FBXW11: variants seen among roughly 807,000 people sequenced by gnomAD.
The protein encoded by FBXW11 is F-box/WD repeat-containing protein 11.
A neutral mutation model predicts 77.6 loss-of-function variants in FBXW11; 19 were observed. The observed-to-expected ratio is 0.24, with a 90% CI of 0.17 to 0.36. The LOEUF (loss-of-function observed/expected upper bound fraction) is 0.36. Ranked by LOEUF, FBXW11 falls within the 10% of genes least tolerant of loss-of-function variation. The pLI is 1.00. For synonymous variants in FBXW11, 235 were observed against 249.4 expected (o/e 0.94, Z 0.54); for missense variants, 334 against 704.2 (o/e 0.47, Z 5.95).
At chr5:171,953,033 G>GA (rs1289710853) in intron 2 of FBXW11, among the ~76,000 whole-genome samples, 2 of 152,068 alleles carry the variant, frequency 1.3e-5, no homozygotes, top group African/African-American at 4.8e-5. Context: ...GCAGTGGTGT[G>GA]ATCATAGCTC....
intron 1 of FBXW11, among the ~76,000 whole-genome samples, chr5:171,971,642 A>T (rs1581051309): frequency 6.8e-6 from 1 of 146,560 alleles, no homozygotes; most frequent in East Asian, 2.1e-4. Context: ...AAAAAAAAAA[A>T]TTTATTACAT....
At chr5:171,994,309 C>T (rs1162093245) in intron 1 of FBXW11, among the ~76,000 whole-genome samples, 2 of 152,122 alleles carry the variant, frequency 1.3e-5, no homozygotes, top group African/African-American at 2.4e-5. Flanking sequence ...AACCACTCTA[C>T]CCTTTAGTTT....
intron 1 of FBXW11, among the ~76,000 whole-genome samples, chr5:172,001,432 G>A (rs957062696): frequency 6.6e-6 from 1 of 152,184 alleles, no homozygotes; most frequent in Admixed American, 6.5e-5. Flanking sequence ...GTCTGAAAAT[G>A]ATCACCAGGA....
intron 1 of FBXW11, among the ~76,000 whole-genome samples, chr5:171,992,071 C>T (rs142619343): frequency 0.023 from 3,449 of 147,932 alleles, 127 homozygotes; most frequent in African/African-American, 0.081. Context: ...GCTGAGATCG[C>T]ACCACTGCCT....
chr5:171,955,108 T>C (rs1054678928), intron 2 of FBXW11, among the ~76,000 whole-genome samples: 21 of 152,228 alleles, frequency 1.4e-4, no homozygotes, highest in African/African-American at 4.3e-4. Flanking sequence ...TAATGAGTGA[T>C]TTTTAAGTCT....
At chr5:172,003,151 T>C (rs1766518763) in intron 1 of FBXW11, 1 of 152,170 alleles carries the variant, frequency 6.6e-6, no homozygotes, top group Non-Finnish European at 1.5e-5. Flanking sequence ...CATCCATTAA[T>C]TGTGTAAAGG....
At chr5:172,000,359 A>G (rs1766337872) in intron 1 of FBXW11, among the ~76,000 whole-genome samples, 1 of 152,222 alleles carries the variant, frequency 6.6e-6, no homozygotes, top group Non-Finnish European at 1.5e-5. Flanking sequence ...TCAGGATACC[A>G]GGCATAAAAA....
chr5:171,960,373 T>TCAA (rs1299218034), intron 1 of FBXW11, among the ~76,000 whole-genome samples: 2 of 152,134 alleles, frequency 1.3e-5, no homozygotes, highest in Non-Finnish European at 2.9e-5. Flanking sequence ...AGATCCTGTC[T>TCAA]CAACAACAAC....
intron 1 of FBXW11, among the ~76,000 whole-genome samples, chr5:172,002,414 ATGTGTGTGTGTGTGTG>A (rs55720474): frequency 1.4e-5 from 2 of 144,068 alleles, no homozygotes; most frequent in East Asian, 4.1e-4. Flanking sequence ...TTTTATATAA[ATGTGTGTGTGTGTGTG>A]TGTGTGTGTG....
At chr5:171,937,696 C>T (rs1222903916) in intron 2 of FBXW11, among the ~76,000 whole-genome samples, 1 of 151,898 alleles carries the variant, frequency 6.6e-6, no homozygotes, top group African/African-American at 2.4e-5. Context: ...GGCATGGTGG[C>T]ACACGCCTGT....
chr5:171,989,701 A>C (rs757023514), intron 1 of FBXW11, among the ~76,000 whole-genome samples: 1 of 152,216 alleles, frequency 6.6e-6, no homozygotes, highest in Admixed American at 6.5e-5. Flanking sequence ...AACATAACCA[A>C]ATACAAAGGA....
intron 1 of FBXW11, among the ~76,000 whole-genome samples, chr5:171,964,467 A>G (rs1463504446): frequency 6.6e-6 from 1 of 152,244 alleles, no homozygotes; most frequent in Non-Finnish European, 1.5e-5. Flanking sequence ...TGACAGCTAG[A>G]GTCCCCATTC....
At chr5:171,915,398 C>G (rs1367658715) in intron 2 of FBXW11, among the ~76,000 whole-genome samples, 1 of 152,126 alleles carries the variant, frequency 6.6e-6, no homozygotes, top group Non-Finnish European at 1.5e-5. Flanking sequence ...CCTTTATGTT[C>G]TACAAGTCCT....
At chr5:171,898,862 T>C (rs1280060219) in intron 6 of FBXW11, 142 bp downstream of exon 6, 3 of 489,494 alleles carry the variant, frequency 6.1e-6, no homozygotes, top group African/African-American at 3.9e-5. Context: ...ATATACAACA[T>C]GACACATTTA....
At chr5:171,980,002 T>C (rs1366675897) in intron 1 of FBXW11, among the ~76,000 whole-genome samples, 1 of 152,164 alleles carries the variant, frequency 6.6e-6, no homozygotes, top group Non-Finnish European at 1.5e-5. Context: ...AGGAAGTAAC[T>C]TGTGGAATGC....
At chr5:171,983,919 C>T (rs1427223712) in intron 1 of FBXW11, among the ~76,000 whole-genome samples, 1 of 151,822 alleles carries the variant, frequency 6.6e-6, no homozygotes, top group Non-Finnish European at 1.5e-5. Context: ...TACTCAGCAA[C>T]CCAAGCATTT....
chr5:171,948,828 A>G (rs1309475503), intron 2 of FBXW11, among the ~76,000 whole-genome samples: 1 of 152,196 alleles, frequency 6.6e-6, no homozygotes, highest in Admixed American at 6.5e-5. Flanking sequence ...TCTATCATAC[A>G]CATTGTTTTG....
chr5:171,967,552 T>C (rs1430487571), intron 1 of FBXW11, among the ~76,000 whole-genome samples: 2 of 152,042 alleles, frequency 1.3e-5, no homozygotes, highest in South Asian at 2.1e-4. Context: ...ATATAATATA[T>C]ACATAGGCCG....
At chr5:171,929,522 G>C (rs540182855) in intron 2 of FBXW11, among the ~76,000 whole-genome samples, 2 of 152,142 alleles carry the variant, frequency 1.3e-5, no homozygotes, top group South Asian at 2.1e-4. Context: ...TGGTATGACT[G>C]TCTAACTAGA....
Sources: allele counts gnomAD v4.1 joint callset (sites outside exome capture counted in the v4.1 genomes callset), GRCh38; gene constraint gnomAD v4.1.1; transcripts MANE v1.5; gene names NCBI Gene and HGNC (gene_info 2026-07-23, HGNC 2026-07-21).